Variants in PIBF1 observed in about 807,000 individuals in gnomAD.
The protein encoded by PIBF1 is progesterone immunomodulatory binding factor 1.
Under a neutral mutation model 112.5 loss-of-function variants are expected in PIBF1, and 90 were observed. The ratio of observed to expected loss-of-function variants is 0.80; its 90% CI spans 0.67 to 0.95. PIBF1 has a LOEUF of 0.95. Ranked by LOEUF, PIBF1 falls within the 40% of genes least tolerant of loss-of-function variation. The pLI is 0.00. For missense variants in PIBF1, 915 were observed against 852.3 expected (o/e 1.07, Z -0.92); for synonymous variants, 301 against 288.6 (o/e 1.04, Z -0.44).
intron 16 of PIBF1, among the ~76,000 whole-genome samples, chr13:72,978,846 A>G (rs564570649): frequency 6.6e-6 from 1 of 152,214 alleles, no homozygotes; most frequent in Non-Finnish European, 1.5e-5. Flanking sequence ...ACTTTTAGAT[A>G]ACAGTAGCAG....
In PIBF1 at chr13:72,795,364, A is replaced by G. The variant is rs1261079121; in HGVS notation, c.359A>G (p.Tyr120Cys). 2.5e-6 allele frequency: 4 copies of G among 1,574,336 alleles called. No homozygotes were observed. Among genetic ancestry groups the G allele is most frequent in the African/African-American group, 1.4e-5 (1 of 73,422 alleles). ...TAAATTCTCTTCTAATGTAGCAAAT[A>G]TCAAGAATTAATGAAACAAGAAATG... ...LAFQQKDASK[Y>C]QELMKQEMET... The change falls in exon 4 of 18, where the codon TAT becomes TGT. Residue 120 changes from tyrosine (Y) to cysteine (C), a missense_variant. Transcript: ENST00000326291.
At chr13:72,973,954 T>C (rs1414299599) in intron 16 of PIBF1, 2 of 406,664 alleles carry the variant, frequency 4.9e-6, no homozygotes, top group Non-Finnish European at 8.6e-6. Context: ...AACTAGACAG[T>C]TAATTTCCTT....
intron 13 of PIBF1, among the ~76,000 whole-genome samples, 196 bp downstream of exon 13, chr13:72,917,362 G>GT (rs2041139716): frequency 6.8e-6 from 1 of 147,912 alleles, no homozygotes; most frequent in African/African-American, 2.7e-5. Flanking sequence ...GTTTGTAGAA[G>GT]TGTGCATAAG....
intron 14 of PIBF1, among the ~76,000 whole-genome samples, chr13:72,952,598 A>C (rs1419799532): frequency 6.7e-6 from 1 of 148,486 alleles, no homozygotes; most frequent in Non-Finnish European, 1.5e-5. Context: ...TGTCTACCCC[A>C]GTGAGAAGGA....
At chr13:72,835,801 G>A (rs1197169737) in intron 9 of PIBF1, among the ~76,000 whole-genome samples, 1 of 152,068 alleles carries the variant, frequency 6.6e-6, no homozygotes, top group East Asian at 1.9e-4. Flanking sequence ...AGGTAATCCT[G>A]AAGAAATATC....
intron 5 of PIBF1, among the ~76,000 whole-genome samples, chr13:72,798,883 G>C (rs2035327114): frequency 2.0e-5 from 3 of 152,172 alleles, no homozygotes; most frequent in Admixed American, 2.0e-4. Context: ...TGGAGCTACT[G>C]TCCATTTATT....
chr13:72,782,780 C>G (rs969510088), intron 1 of PIBF1, among the ~76,000 whole-genome samples: 2 of 152,012 alleles, frequency 1.3e-5, no homozygotes, highest in Non-Finnish European at 2.9e-5. Context: ...CCCGTTTTCC[C>G]TATTTAAAAC....
chr13:72,878,265 A>G (rs1336556132), intron 10 of PIBF1, among the ~76,000 whole-genome samples: 1 of 150,904 alleles, frequency 6.6e-6, no homozygotes, highest in Non-Finnish European at 1.5e-5. Context: ...TTGATTTTAG[A>G]TCTTTCTTCT....
intron 4 of PIBF1, among the ~76,000 whole-genome samples, chr13:72,796,162 A>G (rs187205008): frequency 1.3e-5 from 2 of 152,330 alleles, no homozygotes; most frequent in East Asian, 3.9e-4. Context: ...ACACAATTCC[A>G]TTGGCCTTAA....
intron 11 of PIBF1, among the ~76,000 whole-genome samples, chr13:72,906,234 A>G (rs765692195): frequency 2.6e-5 from 4 of 152,142 alleles, no homozygotes; most frequent in Non-Finnish European, 5.9e-5. Context: ...TTGCTTAATT[A>G]TTAATTGGCA....
chr13:72,818,252 A>G (rs1010294197), intron 5 of PIBF1, among the ~76,000 whole-genome samples: 2 of 152,154 alleles, frequency 1.3e-5, no homozygotes, highest in African/African-American at 4.8e-5. Flanking sequence ...TCATCTGGAT[A>G]CCCCAACTTA....
chr13:72,785,459 A>G (rs2138316921), intron 2 of PIBF1, among the ~76,000 whole-genome samples: 1 of 152,328 alleles, frequency 6.6e-6, no homozygotes, highest in South Asian at 2.1e-4. Flanking sequence ...AAACAAAGCC[A>G]CTAGGTGGTT....
intron 11 of PIBF1, among the ~76,000 whole-genome samples, chr13:72,903,807 G>T (rs1271214281): frequency 1.3e-5 from 2 of 152,124 alleles, no homozygotes; most frequent in East Asian, 1.9e-4. Flanking sequence ...ATTGGGTAGG[G>T]ATTGGCCTGT....
chr13:72,978,831 A>G (rs917627641), intron 16 of PIBF1, among the ~76,000 whole-genome samples: 1 of 152,194 alleles, frequency 6.6e-6, no homozygotes, highest in Non-Finnish European at 1.5e-5. Flanking sequence ...AACTGATAGG[A>G]ACTCACTTTT....
intron 16 of PIBF1, among the ~76,000 whole-genome samples, chr13:72,987,333 G>A (rs1166622768): frequency 1.3e-5 from 2 of 148,698 alleles, no homozygotes; most frequent in African/African-American, 5.0e-5. Context: ...TTTTTGAAAC[G>A]GGAGTGTTTT....
At chr13:72,973,845 TTA>T in intron 16 of PIBF1, 170 bp downstream of exon 16, 1 of 519,244 alleles carries the variant, frequency 1.9e-6, no homozygotes, top group East Asian at 3.3e-5. Flanking sequence ...CTTCTTAGAG[TTA>T]ATTCTTATTC....
chr13:72,857,592 AT>A (rs2038481718), intron 10 of PIBF1, among the ~76,000 whole-genome samples: 1 of 152,212 alleles, frequency 6.6e-6, no homozygotes, highest in Non-Finnish European at 1.5e-5. Flanking sequence ...TAATCCCAAC[AT>A]TTTGGGAGGC....
At chr13:72,842,076 C>T (rs1345956392) in intron 9 of PIBF1, among the ~76,000 whole-genome samples, 3 of 152,044 alleles carry the variant, frequency 2.0e-5, no homozygotes, top group Non-Finnish European at 2.9e-5. Context: ...TCTTAAATGA[C>T]GTAATACAGA....
chr13:72,962,475 T>C (rs1328706230), intron 14 of PIBF1, among the ~76,000 whole-genome samples: 1 of 151,986 alleles, frequency 6.6e-6, no homozygotes, highest in African/African-American at 2.4e-5. Flanking sequence ...GGCTCATGCT[T>C]GTAGTCCCAG....
Sources: allele counts gnomAD v4.1 joint callset (sites outside exome capture counted in the v4.1 genomes callset), GRCh38; gene constraint gnomAD v4.1.1; transcripts MANE v1.5; gene names NCBI Gene and HGNC (gene_info 2026-07-23, HGNC 2026-07-21).